CACNA2D1: variants seen among roughly 807,000 people sequenced by gnomAD.
CACNA2D1 encodes voltage-dependent calcium channel subunit alpha-2/delta-1.
A neutral mutation model predicts 171.5 loss-of-function variants in CACNA2D1; 53 were observed. The observed-to-expected ratio is 0.31, with a 90% confidence interval of 0.25 to 0.39. The LOEUF (loss-of-function observed/expected upper bound fraction) is 0.39, where lower values mean the gene tolerates loss of function less well. Among genes scored for constraint, CACNA2D1 ranks in the 10% least tolerant of loss-of-function variants. CACNA2D1 has a pLI of 1.00. For missense variants in CACNA2D1, 903 were observed against 1,299.8 expected (o/e 0.69, Z 4.69); for synonymous variants, 442 against 443.1 (o/e 1.00, Z 0.03).
intron 4 of CACNA2D1, among the ~76,000 whole-genome samples, chr7:82,163,868 A>C (rs38538): frequency 0.62 from 94,137 of 151,754 alleles, 29,549 homozygotes; most frequent in East Asian, 0.81. Context: ...TAGAAATATC[A>C]TCCTTGGAAG....
At chr7:81,969,329 T>C (rs1437527885) in intron 28 of CACNA2D1, among the ~76,000 whole-genome samples, 2 of 151,446 alleles carry the variant, frequency 1.3e-5, no homozygotes, top group African/African-American at 4.8e-5. Flanking sequence ...AAACTGACTT[T>C]GTCTTTTATA....
intron 4 of CACNA2D1, among the ~76,000 whole-genome samples, chr7:82,148,332 A>G (rs1260771949): frequency 6.6e-6 from 1 of 152,068 alleles, no homozygotes; most frequent in African/African-American, 2.4e-5. Context: ...TAGAAAAAAA[A>G]AAAAAAGTCA....
chr7:81,982,617 G>C lies in CACNA2D1; in HGVS notation c.1905C>G (p.Thr635=), dbSNP rs760397102. Residue 635 remains threonine, a synonymous_variant, in exon 24 of 39, where the codon ACC becomes ACG. Transcript: ENST00000356860. ...SKKGKMKDSE[T]LKPDNFEESG... is the part of the protein sequence containing the mutation. ...ATTCTTCAAAATTATCTGGCTTCAG[G>C]GTTTCCGAATCTGCAAAGATAATGT... 22 of 1,601,290 alleles carry C rather than the reference G, an allele frequency of 1.4e-5. No individual in the cohort carries two copies. The South Asian group carries it at 2.3e-4, about 17-fold the overall frequency.
At chr7:82,334,026 TA>T (rs1340204215) in intron 3 of CACNA2D1, among the ~76,000 whole-genome samples, 1 of 152,158 alleles carries the variant, frequency 6.6e-6, no homozygotes, top group Non-Finnish European at 1.5e-5. Flanking sequence ...CAGGAATACA[TA>T]ACCTACAAAT....
At chr7:82,156,267 A>G (rs1353571401) in intron 4 of CACNA2D1, among the ~76,000 whole-genome samples, 1 of 152,104 alleles carries the variant, frequency 6.6e-6, no homozygotes, top group Non-Finnish European at 1.5e-5. Context: ...CATCATGGCT[A>G]TTTAGTTACT....
rs1355175402 is a variant in CACNA2D1, at chr7:82,157,256, A to C, written c.354+13294T>G. ...GAATACTGTGAAAAGAAACAAAATC[A>C]AGTAGGCCATATAAAGCCCCTACAC... is the stretch of plus-strand genomic sequence containing the variant. On this transcript the variant is annotated intron_variant, in intron 4 of 38. Coordinates refer to ENST00000356860, the MANE Select transcript of CACNA2D1 (RefSeq NM_000722.4). 3.9e-5 allele frequency among the ~76,000 whole-genome samples: 6 copies of C among 152,246 alleles called. No individual in the cohort carries two copies. In the East Asian group the frequency reaches 1.2e-3, roughly 29 times the overall value.
chr7:82,357,126 T>C (rs1820518251), intron 1 of CACNA2D1, among the ~76,000 whole-genome samples: 2 of 152,162 alleles, frequency 1.3e-5, no homozygotes, highest in Admixed American at 1.3e-4. Context: ...ATATAGAATA[T>C]GCAGATTTTC....
chr7:82,106,448 T>A (rs1164856494), intron 6 of CACNA2D1, among the ~76,000 whole-genome samples: 3 of 152,176 alleles, frequency 2.0e-5, no homozygotes, highest in South Asian at 4.1e-4. Flanking sequence ...CACTTCTGAT[T>A]TCCAGCTGTC....
intron 3 of CACNA2D1, among the ~76,000 whole-genome samples, chr7:82,214,287 A>C (rs566900572): frequency 9.9e-5 from 15 of 152,256 alleles, no homozygotes; most frequent in African/African-American, 3.6e-4. Context: ...TTCTTAATCT[A>C]TTACAACCCT....
chr7:82,109,718 T>C (rs937185160), intron 6 of CACNA2D1, among the ~76,000 whole-genome samples: 4 of 152,230 alleles, frequency 2.6e-5, no homozygotes, highest in Admixed American at 6.5e-5. Context: ...TTCTGTTTTA[T>C]TCATCTTAAC....
intron 5 of CACNA2D1, among the ~76,000 whole-genome samples, chr7:82,134,075 A>G (rs1027789804): frequency 4.2e-5 from 6 of 143,310 alleles, no homozygotes; most frequent in South Asian, 2.2e-4. Context: ...TCTGTCTCGG[A>G]AAAAAAAAAA....
rs561586257 is a variant in CACNA2D1 at position 82,408,560 on chromosome 7, C to G, written c.95+34805G>C. Among the ~76,000 whole-genome samples the G allele has an allele frequency of 2.0e-5, 3 of 152,226 alleles. 1 individual carries two copies. The Middle Eastern group carries it at 0.01, about 518-fold the overall frequency. On this transcript the variant is annotated intron_variant, in intron 1 of 38. Coordinates refer to ENST00000356860, the MANE Select transcript of CACNA2D1 (RefSeq NM_000722.4). The stretch of plus-strand genomic sequence containing the variant: ...AGTTGTAAACATAATAATAAAGATA[C>G]ACTTAGCACATACGGCACAGAACAG...
intron 1 of CACNA2D1, among the ~76,000 whole-genome samples, chr7:82,377,920 C>T (rs536951803): frequency 1.1e-4 from 16 of 152,270 alleles, no homozygotes; most frequent in African/African-American, 3.9e-4. Context: ...TATCTTCTCA[C>T]TTGGGAGTTC....
intron 1 of CACNA2D1, among the ~76,000 whole-genome samples, chr7:82,379,934 ATCT>A (rs1249966719): frequency 6.6e-6 from 1 of 152,150 alleles, no homozygotes; most frequent in African/African-American, 2.4e-5. Context: ...AATAAGTAAC[ATCT>A]TAATATTGGA....
chr7:82,188,316 G>A (rs949135848), intron 3 of CACNA2D1, among the ~76,000 whole-genome samples: 2 of 151,994 alleles, frequency 1.3e-5, no homozygotes, highest in African/African-American at 4.8e-5. Flanking sequence ...AAGCAAAAAA[G>A]GAATTTAGCA....
intron 6 of CACNA2D1, among the ~76,000 whole-genome samples, chr7:82,090,412 TAAC>T (rs918466835): frequency 2.4e-4 from 37 of 152,234 alleles, no homozygotes; most frequent in African/African-American, 8.9e-4. Flanking sequence ...TATTTTTGTT[TAAC>T]AATACCAAAT....
intron 3 of CACNA2D1, among the ~76,000 whole-genome samples, chr7:82,322,437 A>G (rs1816091609): frequency 7.3e-6 from 1 of 136,566 alleles, no homozygotes; most frequent in African/African-American, 2.7e-5. Flanking sequence ...CAAAACTGGA[A>G]GATCCTGGCT....
chr7:82,370,225 T>C (rs560679110), intron 1 of CACNA2D1, among the ~76,000 whole-genome samples: 1 of 152,106 alleles, frequency 6.6e-6, no homozygotes, highest in Non-Finnish European at 1.5e-5. Context: ...GTAAAAGCTT[T>C]GGGAAAGAAA....
chr7:81,985,311 C>T (rs765652577), intron 21 of CACNA2D1, among the ~76,000 whole-genome samples: 1 of 150,560 alleles, frequency 6.6e-6, no homozygotes, highest in Non-Finnish European at 1.5e-5. Context: ...AATCGATCCT[C>T]CCACCTCAGC....
Sources: allele counts gnomAD v4.1 joint callset (sites outside exome capture counted in the v4.1 genomes callset), GRCh38; gene constraint gnomAD v4.1.1; transcripts MANE v1.5; gene names NCBI Gene and HGNC (gene_info 2026-07-23, HGNC 2026-07-21).